The following SCAPER variants were observed in gnomAD, a reference collection of about 807,000 sequenced individuals.
SCAPER encodes S-phase cyclin A associated protein in the ER.
Under a neutral mutation model 182.2 loss-of-function variants are expected in SCAPER, and 98 were observed. The observed-to-expected ratio is 0.54, with a 90% CI of 0.46 to 0.64. The LOEUF is 0.64. SCAPER is among the 30% of genes least tolerant of loss of function. The pLI is 0.00. For synonymous variants in SCAPER, 605 were observed against 564.6 expected, an observed-to-expected ratio of 1.07 and a Z score of -1.01; for missense variants, 1,432 against 1,690.0, an observed-to-expected ratio of 0.85 and a Z score of 2.68.
At chr15:76,557,777 G>C (rs548715020) in intron 23 of SCAPER, among the ~76,000 whole-genome samples, 68 of 152,180 alleles carry the variant, frequency 4.5e-4, no homozygotes, top group African/African-American at 1.5e-3. Context: ...AACCAAAACA[G>C]CATGGTACTG....
chr15:76,649,226 C>G (rs1017185278), intron 21 of SCAPER, among the ~76,000 whole-genome samples: 1 of 152,148 alleles, frequency 6.6e-6, no homozygotes, highest in Non-Finnish European at 1.5e-5. Flanking sequence ...CGAGTATTTA[C>G]CCTAGACAAT....
At chr15:76,687,839 A>G (rs1323179740) in intron 20 of SCAPER, among the ~76,000 whole-genome samples, 1 of 152,166 alleles carries the variant, frequency 6.6e-6, no homozygotes, top group African/African-American at 2.4e-5. Context: ...CCAGTCTATC[A>G]CTGATGAGCA....
At chr15:76,445,431 T>G (rs1158236898) in intron 25 of SCAPER, among the ~76,000 whole-genome samples, 1 of 152,212 alleles carries the variant, frequency 6.6e-6, no homozygotes, top group Non-Finnish European at 1.5e-5. Flanking sequence ...ATGATAAGAC[T>G]GTATCTTATT....
At chr15:76,722,719 G>A (rs538206201) in intron 17 of SCAPER, among the ~76,000 whole-genome samples, 11 of 152,286 alleles carry the variant, frequency 7.2e-5, no homozygotes, top group African/African-American at 2.4e-4. Flanking sequence ...TTGCATAGAG[G>A]TGTTTATAGT....
At chr15:76,425,043 C>G (rs1244692674) in intron 26 of SCAPER, among the ~76,000 whole-genome samples, 3 of 152,132 alleles carry the variant, frequency 2.0e-5, no homozygotes, top group Non-Finnish European at 4.4e-5. Context: ...CTCTGGCTGC[C>G]CTTAACATTC....
intron 17 of SCAPER, among the ~76,000 whole-genome samples, chr15:76,718,091 A>G (rs1406438115): frequency 1.3e-5 from 2 of 152,218 alleles, no homozygotes; most frequent in African/African-American, 4.8e-5. Flanking sequence ...TCAGATCACT[A>G]TGATATAAAA....
At position 76,721,765 on chromosome 15, in the gene SCAPER, T is replaced by C. The variant is rs957070216; in HGVS notation, c.2165+6830A>G. ...TGTATAAGAATGCTTGTGATTTTTG[T>C]ACACTGATTTTGTATCCTGAGACTT... On this transcript the variant is annotated intron_variant, in intron 17 of 31. Transcript: ENST00000563290. 9.9e-4 allele frequency among the ~76,000 whole-genome samples: 150 copies of C among 152,262 alleles called. 3 individuals carry two copies. The highest frequency in any genetic ancestry group is 3.4e-3 in the Middle Eastern group (1 of 294).
chr15:76,417,346 T>C (rs1027159859), intron 26 of SCAPER, among the ~76,000 whole-genome samples: 1 of 152,246 alleles, frequency 6.6e-6, no homozygotes, highest in Non-Finnish European at 1.5e-5. Context: ...GAGAGACAGA[T>C]ACATCATCTG....
intron 25 of SCAPER, among the ~76,000 whole-genome samples, chr15:76,464,186 C>A (rs141030254): frequency 6.4e-4 from 98 of 152,132 alleles, no homozygotes; most frequent in African/African-American, 2.2e-3. Context: ...TCCCCTTGGT[C>A]CCTGGCAACC....
At chr15:76,564,599 T>C (rs972748076) in intron 23 of SCAPER, among the ~76,000 whole-genome samples, 1 of 152,192 alleles carries the variant, frequency 6.6e-6, no homozygotes, top group African/African-American at 2.4e-5. Context: ...CAAAGCAATT[T>C]ATTAGATTCA....
chr15:76,715,152 A>G (rs6495213), intron 17 of SCAPER, among the ~76,000 whole-genome samples: 2,449 of 151,948 alleles, frequency 0.016, 76 homozygotes, highest in African/African-American at 0.057. Context: ...GCACACAGAA[A>G]CAGTTGATAC....
At chr15:76,643,994 T>C (rs1477714574) in intron 21 of SCAPER, among the ~76,000 whole-genome samples, 1 of 152,150 alleles carries the variant, frequency 6.6e-6, no homozygotes, top group Non-Finnish European at 1.5e-5. Flanking sequence ...ATCACTACCA[T>C]GTTTCATGAT....
intron 20 of SCAPER, among the ~76,000 whole-genome samples, chr15:76,692,074 T>TA (rs1248790357): frequency 6.6e-6 from 1 of 152,180 alleles, no homozygotes; most frequent in Non-Finnish European, 1.5e-5. Context: ...ATTGAGAAGA[T>TA]ACACAATTCT....
intron 23 of SCAPER, among the ~76,000 whole-genome samples, chr15:76,507,218 A>T (rs2041662232): frequency 1.3e-5 from 2 of 152,092 alleles, no homozygotes; most frequent in Admixed American, 1.3e-4. Context: ...ATAAGAGGAG[A>T]AAGAGACACT....
intron 4 of SCAPER, among the ~76,000 whole-genome samples, chr15:76,844,590 T>C (rs1221355760): frequency 3.3e-5 from 5 of 152,122 alleles, no homozygotes; most frequent in Non-Finnish European, 7.4e-5. Context: ...TGAGAAACTA[T>C]ATGCTAATAA....
chr15:76,438,260 C>T (rs62028413), intron 25 of SCAPER, among the ~76,000 whole-genome samples: 12,288 of 134,394 alleles, frequency 0.091, 619 homozygotes, highest in African/African-American at 0.14. Context: ...CCAGTCTGGG[C>T]GACTGTGTGA....
At chr15:76,732,765 A>G (rs966498782) in intron 16 of SCAPER, among the ~76,000 whole-genome samples, 1 of 152,172 alleles carries the variant, frequency 6.6e-6, no homozygotes, top group Admixed American at 6.5e-5. Flanking sequence ...GTCCACTTTC[A>G]TGTTCCATCC....
chr15:76,813,227 TAAAAAAAAAA>T (rs746891532), intron 5 of SCAPER, among the ~76,000 whole-genome samples: 7 of 17,288 alleles, frequency 4.0e-4, no homozygotes, highest in African/African-American at 9.4e-4. Context: ...ATCCTTTCAC[TAAAAAAAAAA>T]AAAAAAAAAA....
chr15:76,437,419 C>T (rs917351773), intron 25 of SCAPER, among the ~76,000 whole-genome samples: 5 of 152,076 alleles, frequency 3.3e-5, no homozygotes, highest in African/African-American at 4.8e-5. Context: ...GGGTTTATAA[C>T]TTTCATCTAT....
Sources: allele counts gnomAD v4.1 joint callset (sites outside exome capture counted in the v4.1 genomes callset), GRCh38; gene constraint gnomAD v4.1.1; transcripts MANE v1.5; gene names NCBI Gene and HGNC (gene_info 2026-07-23, HGNC 2026-07-21).